Variants in CTNNA2 observed in about 807,000 individuals in gnomAD.
CTNNA2 encodes the protein catenin alpha-2.
A neutral mutation model predicts 101.0 loss-of-function variants in CTNNA2; 42 were observed. That is an observed-to-expected ratio of 0.42 (90% CI 0.32 to 0.54). The LOEUF (loss-of-function observed/expected upper bound fraction) is 0.54. Among genes scored for constraint, CTNNA2 ranks in the 20% least tolerant of loss-of-function variants. CTNNA2 has a pLI of 0.14. For missense variants in CTNNA2, 871 were observed against 1,223.1 expected (o/e 0.71, Z 4.29); for synonymous variants, 450 against 456.4 (o/e 0.99, Z 0.18).
intron 7 of CTNNA2, among the ~76,000 whole-genome samples, chr2:79,930,650 A>T (rs72918685): frequency 6.6e-6 from 1 of 152,170 alleles, no homozygotes; most frequent in Non-Finnish European, 1.5e-5. Context: ...ATTCTGGGCA[A>T]GTTTTCTCCA....
chr2:79,741,623 G>T (rs1436712603), intron 2 of CTNNA2, among the ~76,000 whole-genome samples: 1 of 152,060 alleles, frequency 6.6e-6, no homozygotes, highest in Non-Finnish European at 1.5e-5. Flanking sequence ...TATGCTGATT[G>T]TGAATGGCAT....
chr2:80,451,555 T>C (rs1014819286), intron 9 of CTNNA2, among the ~76,000 whole-genome samples: 1 of 152,188 alleles, frequency 6.6e-6, no homozygotes, highest in Admixed American at 6.5e-5. Context: ...CTATAGCAGA[T>C]GCTTCCATGT....
chr2:80,323,930 T>C (rs1309259912), intron 7 of CTNNA2, among the ~76,000 whole-genome samples: 1 of 152,174 alleles, frequency 6.6e-6, no homozygotes, highest in African/African-American at 2.4e-5. Context: ...ATTAGTGGTA[T>C]TTCAGTTTTC....
At chr2:79,334,939 C>G (rs994107110) in intron 3 of CTNNA2, among the ~76,000 whole-genome samples, 1 of 152,146 alleles carries the variant, frequency 6.6e-6, no homozygotes, top group African/African-American at 2.4e-5. Context: ...TTCAGGGATA[C>G]TGAACTAGGC....
At chr2:80,034,356 T>TTC (rs70940070) in intron 7 of CTNNA2, among the ~76,000 whole-genome samples, 19,581 of 130,930 alleles carry the variant, frequency 0.15, 1,890 homozygotes, top group Non-Finnish European at 0.22. Context: ...TTTTTTTTCT[T>TTC]TTTTTTTTTT....
chr2:80,163,355 C>T (rs1268175719), intron 7 of CTNNA2, among the ~76,000 whole-genome samples: 2 of 151,992 alleles, frequency 1.3e-5, no homozygotes, highest in African/African-American at 4.8e-5. Context: ...TTGAGATTTT[C>T]TCTTTGATCC....
chr2:80,218,679 G>A (rs1429619799), intron 7 of CTNNA2, among the ~76,000 whole-genome samples: 1 of 152,164 alleles, frequency 6.6e-6, no homozygotes, highest in Non-Finnish European at 1.5e-5. Context: ...AGATTTAGAA[G>A]ACATAATGCA....
intron 7 of CTNNA2, among the ~76,000 whole-genome samples, chr2:79,929,986 C>T (rs1423786759): frequency 6.6e-6 from 1 of 152,012 alleles, no homozygotes; most frequent in Admixed American, 6.6e-5. Context: ...CCTGTAATCC[C>T]AGCACTTTGA....
At chr2:80,448,544 G>T (rs978162536) in intron 9 of CTNNA2, among the ~76,000 whole-genome samples, 1 of 152,160 alleles carries the variant, frequency 6.6e-6, no homozygotes, top group Non-Finnish European at 1.5e-5. Context: ...CCCTAGAGAT[G>T]CTCATTCAGT....
chr2:79,458,275 G>C (rs1336055438), intron 4 of CTNNA2, among the ~76,000 whole-genome samples: 1 of 152,178 alleles, frequency 6.6e-6, no homozygotes, highest in Non-Finnish European at 1.5e-5. Context: ...CACTAAAACA[G>C]TATCATTTTA....
chr2:79,866,281 A>G (rs1404182023), intron 4 of CTNNA2, among the ~76,000 whole-genome samples: 1 of 152,248 alleles, frequency 6.6e-6, no homozygotes, highest in East Asian at 1.9e-4. Flanking sequence ...TAGAAGTGTC[A>G]GTCTTTTCAG....
chr2:80,575,663 C>T (rs1694981314), intron 13 of CTNNA2, among the ~76,000 whole-genome samples: 1 of 152,106 alleles, frequency 6.6e-6, no homozygotes, highest in Non-Finnish European at 1.5e-5. Flanking sequence ...GATATATTCC[C>T]TCTTTTGCCA....
rs1413206594 is a variant in CTNNA2 at position 79,973,249 on chromosome 2, ATGT to A, written c.1056+63454_1056+63456del. Among the ~76,000 whole-genome samples the A allele has an allele frequency of 3.3e-5, 5 of 152,068 alleles. No homozygotes were observed. In the East Asian group the frequency reaches 9.6e-4, roughly 29 times the overall value. ...CTATTCTAATCAAAATCAATGGCTG[ATGT>A]TAGCACGTTTTTCATGCTGCAAGTA... On this transcript the variant is annotated intron_variant, in intron 7 of 18. Coordinates refer to ENST00000402739, the MANE Select transcript of CTNNA2 (RefSeq NM_001282597.3).
intron 9 of CTNNA2, among the ~76,000 whole-genome samples, chr2:80,494,629 T>G (rs1384161568): frequency 7.4e-6 from 1 of 134,564 alleles, no homozygotes; most frequent in Non-Finnish European, 1.7e-5. Context: ...GAAAAGAGAT[T>G]AGAATTATTC....
At chr2:80,018,817 T>C (rs1694349080) in intron 7 of CTNNA2, among the ~76,000 whole-genome samples, 1 of 152,042 alleles carries the variant, frequency 6.6e-6, no homozygotes, top group Non-Finnish European at 1.5e-5. Flanking sequence ...CCTTTTGTTT[T>C]TTGGAGATCC....
chr2:79,601,713 C>T (rs965599295), intron 1 of CTNNA2, among the ~76,000 whole-genome samples: 2 of 152,164 alleles, frequency 1.3e-5, no homozygotes, highest in African/African-American at 2.4e-5. Flanking sequence ...AGCTATGAAG[C>T]GGTGTGACAC....
chr2:79,839,986 G>T (rs1022145754), intron 3 of CTNNA2, among the ~76,000 whole-genome samples: 17 of 152,068 alleles, frequency 1.1e-4, no homozygotes, highest in African/African-American at 4.1e-4. Context: ...TTTTCCTTTG[G>T]CTAAGGCCAC....
At chr2:79,282,154 C>T (rs557249078) in intron 2 of CTNNA2, among the ~76,000 whole-genome samples, 2 of 152,068 alleles carry the variant, frequency 1.3e-5, no homozygotes, top group Non-Finnish European at 2.9e-5. Flanking sequence ...GTTGAGAAAG[C>T]TTAAGCCACT....
intron 7 of CTNNA2, among the ~76,000 whole-genome samples, chr2:80,296,771 G>A (rs1675783332): frequency 6.6e-6 from 1 of 152,036 alleles, no homozygotes; most frequent in African/African-American, 2.4e-5. Flanking sequence ...TTGCTTGTAG[G>A]ATGTTTCACA....
Sources: gnomAD v4.1 joint callset for allele counts (sites outside exome capture counted in the v4.1 genomes callset) on GRCh38, gnomAD v4.1.1 for gene constraint, MANE v1.5 for transcripts, NCBI Gene and HGNC (gene_info 2026-07-23, HGNC 2026-07-21) for gene names.